CHST11: variants seen among roughly 807,000 people sequenced by gnomAD.
The protein encoded by CHST11 is carbohydrate sulfotransferase 11, also known as C4S-1.
In CHST11, 9 loss-of-function variants were observed where a neutral mutation model predicts 30.4. The ratio of observed to expected loss-of-function variants is 0.30; its 90% confidence interval spans 0.18 to 0.52. The LOEUF (loss-of-function observed/expected upper bound fraction) is 0.52. Among genes scored for constraint, CHST11 ranks in the 20% least tolerant of loss-of-function variants. The pLI, the probability that CHST11 is intolerant of heterozygous loss-of-function variation, is 0.97. For synonymous variants in CHST11, 152 were observed against 187.8 expected (o/e 0.81, Z 1.56); for missense variants, 348 against 460.6 (o/e 0.76, Z 2.24).
chr12:104,493,968 C>T (rs918668632), intron 1 of CHST11, among the ~76,000 whole-genome samples: 11 of 152,320 alleles, frequency 7.2e-5, no homozygotes, highest in African/African-American at 2.2e-4. Context: ...GGACTAAACA[C>T]ACACACCACC....
In CHST11 at chr12:104,606,857, C is replaced by T. The variant is rs186336136; in HGVS notation, c.204+4866C>T. 5.0e-3 allele frequency among the ~76,000 whole-genome samples: 759 copies of T among 152,190 alleles called. 4 individuals are homozygous for T. The highest frequency in any genetic ancestry group is 8.5e-3 in the Non-Finnish European group (581 of 68,012). ...CTGAGGTGGGCAGATCACCTGAGAT[C>T]AGGAGTTCTAAACCAGCCTGGGCAA... On this transcript the variant is annotated intron_variant, in intron 2 of 2. Coordinates refer to ENST00000303694, the MANE Select transcript of CHST11 (RefSeq NM_018413.6).
At chr12:104,612,793 A>C (rs1236933479) in intron 2 of CHST11, among the ~76,000 whole-genome samples, 2 of 152,210 alleles carry the variant, frequency 1.3e-5, no homozygotes, top group African/African-American at 4.8e-5. Flanking sequence ...GTTCTCCAAG[A>C]AATTAAAAAC....
chr12:104,737,120 A>G (rs1369487255), intron 2 of CHST11, among the ~76,000 whole-genome samples: 1 of 152,276 alleles, frequency 6.6e-6, no homozygotes, highest in Non-Finnish European at 1.5e-5. Context: ...AAGGAAAGGA[A>G]GTTAATCAGA....
At chr12:104,650,719 T>C (rs1010549489) in intron 2 of CHST11, among the ~76,000 whole-genome samples, 1 of 152,172 alleles carries the variant, frequency 6.6e-6, no homozygotes, top group Non-Finnish European at 1.5e-5. Flanking sequence ...CCACATAGGC[T>C]GGAATTGGAA....
At chr12:104,617,673 A>T (rs2039121727) in intron 2 of CHST11, among the ~76,000 whole-genome samples, 1 of 152,188 alleles carries the variant, frequency 6.6e-6, no homozygotes, top group African/African-American at 2.4e-5. Flanking sequence ...GTAACAGTTA[A>T]AACTGTGGGT....
In CHST11 at chr12:104,614,701, G is replaced by GTGTA. The variant is rs556096964; in HGVS notation, c.204+12713_204+12714insATGT. 5.5e-3 allele frequency among the ~76,000 whole-genome samples: 828 copies of GTGTA among 151,660 alleles called. 5 individuals are homozygous for GTGTA. Among genetic ancestry groups the GTGTA allele is most frequent in the African/African-American group, 0.019 (782 of 41,302 alleles). On this transcript the variant is annotated intron_variant, in intron 2 of 2. Transcript: ENST00000303694. ...TGTGTGTGCATGCATGCTTGTGTGT[G>GTGTA]TGTGTGTGTGTGTGTAGAGCCTTGG...
intron 1 of CHST11, among the ~76,000 whole-genome samples, chr12:104,563,923 G>A (rs1431759680): frequency 6.6e-6 from 1 of 152,076 alleles, no homozygotes; most frequent in Non-Finnish European, 1.5e-5. Flanking sequence ...TGACTCCACA[G>A]CCTGCTCTTA....
At chr12:104,752,217 G>A (rs1407522927) in intron 2 of CHST11, among the ~76,000 whole-genome samples, 1 of 152,124 alleles carries the variant, frequency 6.6e-6, no homozygotes, top group East Asian at 1.9e-4. Flanking sequence ...TTTTGGCCTG[G>A]AGACACATCA....
At chr12:104,680,815 T>G (rs1316808814) in intron 2 of CHST11, among the ~76,000 whole-genome samples, 1 of 152,192 alleles carries the variant, frequency 6.6e-6, no homozygotes, top group Non-Finnish European at 1.5e-5. Context: ...GCCCACATCT[T>G]TGAGTGCCCC....
At chr12:104,688,618 A>G (rs1031125905) in intron 2 of CHST11, among the ~76,000 whole-genome samples, 7 of 152,252 alleles carry the variant, frequency 4.6e-5, no homozygotes, top group African/African-American at 1.7e-4. Context: ...TTCTCAAGAT[A>G]ATCTTCAGAA....
intron 2 of CHST11, among the ~76,000 whole-genome samples, chr12:104,666,086 G>A (rs1219465420): frequency 6.6e-6 from 1 of 151,936 alleles, no homozygotes; most frequent in Non-Finnish European, 1.5e-5. Flanking sequence ...CCAAAGTGCT[G>A]GGATTACAGG....
rs1430155934 is a variant in CHST11 at position 104,634,763 on chromosome 12, G to A, written c.204+32772G>A. Among the ~76,000 whole-genome samples, 3 of 152,178 alleles carry A rather than the reference G, an allele frequency of 2.0e-5. No homozygotes were observed. The East Asian group carries it at 5.8e-4, about 29-fold the overall frequency. On this transcript the variant is annotated intron_variant, in intron 2 of 2. Transcript: ENST00000303694. ...CTGTTTCACCATTGCTTTTAACCCA[G>A]GGCTAGTGGCTTCCTACTGATGTCT...
In CHST11 at chr12:104,713,593, G is replaced by A. The variant is rs922641540; in HGVS notation, c.205-43356G>A. Among the ~76,000 whole-genome samples, 10 of 152,282 alleles carry A rather than the reference G, an allele frequency of 6.6e-5. No homozygotes were observed. The East Asian group carries it at 9.7e-4, about 15-fold the overall frequency. On this transcript the variant is annotated intron_variant, in intron 2 of 2. Transcript: ENST00000303694. ...AGCTAAAGGGTAGGTAACAGGAGCC[G>A]ATACCTGGCTCTGCACCTCCTCCCA...
chr12:104,560,862 A>G lies in CHST11; in HGVS notation c.119-41044A>G, dbSNP rs148237990. Among the ~76,000 whole-genome samples the G allele has an allele frequency of 4.4e-3, 672 of 152,322 alleles. 9 individuals carry two copies. The highest frequency in any genetic ancestry group is 0.014 in the African/African-American group (597 of 41,572). On this transcript the variant is annotated intron_variant, in intron 1 of 2. Transcript: ENST00000303694. Reference sequence around the variant, plus strand: ...GTCTCTTGGAATTAGCAGAATGCCAAGGTGCTCACTGGATTTGCTGTGAAT... The same window carrying G: ...GTCTCTTGGAATTAGCAGAATGCCAGGGTGCTCACTGGATTTGCTGTGAAT...
intron 2 of CHST11, among the ~76,000 whole-genome samples, chr12:104,614,029 G>A (rs575399514): frequency 6.6e-6 from 1 of 152,322 alleles, no homozygotes; most frequent in South Asian, 2.1e-4. Flanking sequence ...TGCTAGGAAA[G>A]CAGATCTTAA....
chr12:104,693,224 A>T (rs1390319919), intron 2 of CHST11, among the ~76,000 whole-genome samples: 1 of 152,226 alleles, frequency 6.6e-6, no homozygotes, highest in African/African-American at 2.4e-5. Context: ...CTCCAAGTAC[A>T]GTTACATTCT....
intron 2 of CHST11, among the ~76,000 whole-genome samples, chr12:104,648,524 A>C (rs2039458736): frequency 6.6e-6 from 1 of 152,156 alleles, no homozygotes; most frequent in Non-Finnish European, 1.5e-5. Context: ...AGATCTGAGC[A>C]GGGGGCTGGG....
chr12:104,621,538 G>A (rs1017265686), intron 2 of CHST11, among the ~76,000 whole-genome samples: 15 of 152,236 alleles, frequency 9.9e-5, no homozygotes, highest in Non-Finnish European at 4.4e-5. Flanking sequence ...TTATCCGGAT[G>A]GGTCCAGTAT....
intron 1 of CHST11, among the ~76,000 whole-genome samples, chr12:104,546,367 C>G (rs1454698061): frequency 6.6e-6 from 1 of 150,478 alleles, no homozygotes; most frequent in Non-Finnish European, 1.5e-5. Flanking sequence ...ACATGGGAGG[C>G]TGAGGCAGGA....
Sources: allele counts gnomAD v4.1 joint callset (sites outside exome capture counted in the v4.1 genomes callset), GRCh38; gene constraint gnomAD v4.1.1; transcripts MANE v1.5; gene names NCBI Gene and HGNC (gene_info 2026-07-23, HGNC 2026-07-21).